HHIPL1: variants seen among roughly 807,000 people sequenced by gnomAD.
The protein encoded by HHIPL1 is HHIP-like protein 1.
In HHIPL1, 43 loss-of-function variants were observed where a neutral mutation model predicts 61.8. The ratio of observed to expected loss-of-function variants is 0.70; its 90% CI spans 0.55 to 0.90. The LOEUF is 0.90. HHIPL1 is among the 40% of genes least tolerant of loss of function. The probability of loss-of-function intolerance (pLI) is 0.00; values close to 1 mark genes in which losing one functional copy is unlikely to be tolerated. For missense variants in HHIPL1, 1,056 were observed against 1,157.7 expected (o/e 0.91, Z 1.28); for synonymous variants, 482 against 515.8 (o/e 0.93, Z 0.89).
intron 6 of HHIPL1, among the ~76,000 whole-genome samples, chr14:99,667,062 G>A (rs771935218): frequency 6.6e-5 from 10 of 152,160 alleles, no homozygotes; most frequent in Non-Finnish European, 1.0e-4. Flanking sequence ...CAAGCTGTCT[G>A]TCTCAGCCTC....
At chr14:99,622,981 G>A in the HHIPL1 span, among the ~76,000 whole-genome samples, 1 of 152,224 alleles carries the variant, frequency 6.6e-6, no homozygotes, top group Non-Finnish European at 1.5e-5. Flanking sequence ...AAAGTGCCAT[G>A]AACAAGACCC....
At chr14:99,659,858 C>CG in intron 4 of HHIPL1, 102 bp downstream of exon 4, 9 of 631,552 alleles carry the variant, frequency 1.4e-5, no homozygotes, top group Non-Finnish European at 2.1e-5. Flanking sequence ...CCCCCCCCCC[C>CG]CGGAGATCCC....
At chr14:99,670,114 C>CTTTTTTTTTT (rs766131828) in intron 7 of HHIPL1, among the ~76,000 whole-genome samples, 1 of 144,372 alleles carries the variant, frequency 6.9e-6, no homozygotes. Context: ...CAGTCTTTTA[C>CTTTTTTTTTT]TTTTTTTTTT....
At chr14:99,615,602 GAGGAA>G in the HHIPL1 span, among the ~76,000 whole-genome samples, 18 of 147,140 alleles carry the variant, frequency 1.2e-4, no homozygotes, top group Admixed American at 1.3e-3. Context: ...AAGAGAGAGA[GAGGAA>G]AGGAAGGAAG....
rs2056110908 is a variant in HHIPL1 at position 99,659,642 on chromosome 14, G to T, written c.1261G>T (p.Gly421Cys). Reference sequence around the variant, plus strand: ...CGGGCGCCTCTTCTGCGGCGACGTGGGCCAGAACAAGTTCGAGGAGGTGGA... The same window carrying T: ...CGGGCGCCTCTTCTGCGGCGACGTGTGCCAGAACAAGTTCGAGGAGGTGGA... ...GRGRLFCGDV[G>C]QNKFEEVDVV... is the part of the protein sequence containing the mutation. The change falls in exon 4 of 9, where the codon GGC (glycine) becomes TGC (cysteine). Residue 421 changes from glycine (G) to cysteine (C), a missense_variant. By Grantham distance (159) the Gly-to-Cys change is radical. Coordinates refer to ENST00000330710, the MANE Select transcript of HHIPL1 (RefSeq NM_001127258.3). 6.4e-7 allele frequency: 1 copy of T among 1,552,286 alleles called. No individual in the cohort carries two copies.
intron 8 of HHIPL1, among the ~76,000 whole-genome samples, chr14:99,673,780 G>A (rs2056353603): frequency 1.7e-5 from 1 of 58,158 alleles, no homozygotes; most frequent in African/African-American, 7.2e-5. Context: ...AGGGGGTGGT[G>A]CATTAAGGGG....
chr14:99,652,107 G>T, intron 1 of HHIPL1, 117 bp from the exon 2 acceptor site: 1 of 915,268 alleles, frequency 1.1e-6, no homozygotes, highest in South Asian at 1.6e-5. Context: ...AGATGGCGTT[G>T]TCTCCATTTT....
the HHIPL1 span, among the ~76,000 whole-genome samples, chr14:99,637,555 G>A: frequency 2.0e-5 from 3 of 150,550 alleles, no homozygotes; most frequent in Non-Finnish European, 2.9e-5. Context: ...CTGGGCAATA[G>A]AGCAAGACTC....
At chr14:99,624,987 G>A in the HHIPL1 span, 30 of 152,372 alleles carry the variant, frequency 2.0e-4, 1 homozygote, top group African/African-American at 7.0e-4. Context: ...CCTGCCGAGC[G>A]AGGTGGGTAA....
the HHIPL1 span, among the ~76,000 whole-genome samples, chr14:99,627,414 A>G: frequency 6.6e-6 from 1 of 151,968 alleles, no homozygotes; most frequent in Non-Finnish European, 1.5e-5. This position sits in a 1 kb window ranked among gnomAD's most constrained non-coding sequence, Gnocchi z 4.4. Context: ...CTGCCCATCT[A>G]CCTGCCCATC....
chr14:99,645,345 C>T lies in HHIPL1; in HGVS notation c.138C>T (p.Gly46=). The change falls in exon 1 of 9, where the codon GGC becomes GGT. Residue 46 remains glycine, a synonymous_variant. Transcript: ENST00000330710. ...TCTGCGCGCAGTACTCGGACTTCGG[C>T]TGCTGCGATGAGGGGCGCGACGCCG... ...LRLCAQYSDF[G]CCDEGRDAEL... The T allele has an allele frequency of 6.9e-7, 1 of 1,454,000 alleles. No individual in the cohort carries two copies. The allele number at this position is 1,454,000 out of a possible 1,614,324, so 90.1% of individuals were successfully genotyped here.
At chr14:99,672,188 C>G (rs1487519998) in intron 7 of HHIPL1, 129 bp from the exon 8 acceptor site, 5 of 686,178 alleles carry the variant, frequency 7.3e-6, no homozygotes, top group Non-Finnish European at 1.3e-5. Context: ...GCAGGCCACA[C>G]AGTAGGTGCA....
In HHIPL1 at chr14:99,675,704, G is replaced by C; in HGVS notation, c.*78G>C. ...CCGCTCCGCCCTGTGTGCGCCCAGC[G>C]GGTGCACACGTGTTCTAGAGTGAAG... On this transcript the variant is annotated 3_prime_UTR_variant, in exon 9 of 9. Coordinates refer to ENST00000330710, the MANE Select transcript of HHIPL1 (RefSeq NM_001127258.3). This position sits in a 1 kb window ranked among gnomAD's most constrained non-coding sequence, Gnocchi z 5.4. The C allele has an allele frequency of 7.3e-7, 1 of 1,367,190 alleles. No homozygotes were observed. The highest frequency in any genetic ancestry group is 1.5e-5 in the South Asian group (1 of 66,462). The allele number at this position is 1,367,190 out of a possible 1,614,324, so 84.7% of individuals were successfully genotyped here.
chr14:99,646,792 A>AATATGATATG (rs66953128), intron 1 of HHIPL1, among the ~76,000 whole-genome samples: 69 of 130,924 alleles, frequency 5.3e-4, no homozygotes, highest in African/African-American at 1.2e-3. Context: ...AATATAATAT[A>AATATGATATG]ATATGATATG....
intron 7 of HHIPL1, among the ~76,000 whole-genome samples, chr14:99,669,716 G>A (rs1435287484): frequency 6.6e-6 from 1 of 152,186 alleles, no homozygotes; most frequent in Non-Finnish European, 1.5e-5. Flanking sequence ...CATGAGCCCA[G>A]AAATTCAAGA....
At chr14:99,645,934 G>A (rs1297615804) in intron 1 of HHIPL1, among the ~76,000 whole-genome samples, 1 of 152,220 alleles carries the variant, frequency 6.6e-6, no homozygotes, top group Middle Eastern at 3.2e-3. Context: ...TGTGGCCCGG[G>A]TTTGTTGAGG....
chr14:99,664,945 G>A (rs12432679), intron 6 of HHIPL1, among the ~76,000 whole-genome samples: 51,919 of 145,246 alleles, frequency 0.36, 9,808 homozygotes, highest in South Asian at 0.46. Context: ...ACTGAGCTTC[G>A]CTCTTGTTGC....
At chr14:99,615,674 A>AGAAG in the HHIPL1 span, among the ~76,000 whole-genome samples, 2 of 151,556 alleles carry the variant, frequency 1.3e-5, no homozygotes, top group East Asian at 3.9e-4. Context: ...AGAAAAAGAA[A>AGAAG]GAAGGAAGGA....
chr14:99,634,562 A>G, the HHIPL1 span, among the ~76,000 whole-genome samples: 1 of 152,214 alleles, frequency 6.6e-6, no homozygotes, highest in African/African-American at 2.4e-5. Flanking sequence ...AGCTCCTGGG[A>G]AGAGCACTGA....
Sources: allele counts gnomAD v4.1 joint callset (sites outside exome capture counted in the v4.1 genomes callset), GRCh38; gene constraint gnomAD v4.1.1; non-coding constraint Gnocchi (gnomAD v3.1); transcripts MANE v1.5; gene names NCBI Gene and HGNC (gene_info 2026-07-23, HGNC 2026-07-21).